RSF1: variants seen among roughly 807,000 people sequenced by gnomAD.
RSF1 encodes the protein HBV pX-associated protein 8.
Under a neutral mutation model 145.2 loss-of-function variants are expected in RSF1, and 13 were observed. That is an observed-to-expected ratio of 0.09 (90% CI 0.06 to 0.14). RSF1 has a LOEUF of 0.14. Among genes scored for constraint, RSF1 ranks in the 10% least tolerant of loss-of-function variants. The pLI, the probability that RSF1 is intolerant of heterozygous loss-of-function variation, is 1.00. For synonymous variants in RSF1, 577 were observed against 592.6 expected (o/e 0.97, Z 0.38); for missense variants, 1,517 against 1,718.2 (o/e 0.88, Z 2.07).
chr11:77,861,910 G>C, the RSF1 span, among the ~76,000 whole-genome samples: 2 of 152,164 alleles, frequency 1.3e-5, no homozygotes, highest in South Asian at 4.1e-4. Flanking sequence ...AATGTCTGCA[G>C]CTGACTGAGT....
Position 77,683,827 on chromosome 11 carries a change from A to C in RSF1, c.2956-8T>G. The C allele has an allele frequency of 1.3e-6, 2 of 1,589,610 alleles. No homozygotes were observed. Among genetic ancestry groups the C allele is most frequent in the Non-Finnish European group, 1.7e-6 (2 of 1,161,954 alleles). ...TTCAGAAAAGTCTGGCTCCTTAAAA[A>C]ATATGATAATAAGCATAGAGGTTAT... is the stretch of plus-strand genomic sequence containing the variant. On this transcript the variant is annotated splice_polypyrimidine_tract_variant and splice_region_variant and intron_variant, in intron 10 of 15. Coordinates refer to ENST00000308488, the MANE Select transcript of RSF1 (RefSeq NM_016578.4).
intron 11 of RSF1, among the ~76,000 whole-genome samples, chr11:77,679,345 A>C (rs1371301068): frequency 6.6e-6 from 1 of 152,268 alleles, no homozygotes; most frequent in Non-Finnish European, 1.5e-5. Context: ...CAAAGTAAGT[A>C]AAACAAAATT....
intron 1 of RSF1, among the ~76,000 whole-genome samples, chr11:77,765,415 T>C (rs1160286842): frequency 6.6e-6 from 1 of 152,216 alleles, no homozygotes; most frequent in Non-Finnish European, 1.5e-5. Context: ...ACAAGCTTCA[T>C]GGACAAAAAA....
chr11:77,678,679 A>G (rs1330613521), intron 11 of RSF1, among the ~76,000 whole-genome samples: 1 of 152,198 alleles, frequency 6.6e-6, no homozygotes, highest in Non-Finnish European at 1.5e-5. Flanking sequence ...ATATAAAAGA[A>G]GCCAGAGAGA....
chr11:77,765,095 T>C (rs1948212479), intron 1 of RSF1, among the ~76,000 whole-genome samples: 1 of 152,048 alleles, frequency 6.6e-6, no homozygotes, highest in African/African-American at 2.4e-5. Context: ...CTGCTTAATT[T>C]TTCTGTGAAC....
chr11:77,806,209 C>G (rs1219593127), intron 1 of RSF1, among the ~76,000 whole-genome samples: 1 of 151,260 alleles, frequency 6.6e-6, no homozygotes, highest in African/African-American at 2.4e-5. Context: ...TTCAGAGAAA[C>G]TGGGGTGGGG....
chr11:77,741,385 A>G (rs1425338946), intron 3 of RSF1, among the ~76,000 whole-genome samples: 1 of 152,126 alleles, frequency 6.6e-6, no homozygotes, highest in Non-Finnish European at 1.5e-5. Context: ...TCTACAAAAA[A>G]TACAAAAATT....
chr11:77,740,363 G>A (rs1961479279), intron 4 of RSF1, among the ~76,000 whole-genome samples: 2 of 152,164 alleles, frequency 1.3e-5, no homozygotes. Flanking sequence ...CAACAAGAGC[G>A]AAACTCCGTT....
the RSF1 span, chr11:77,855,457 C>T: frequency 2.6e-5 from 5 of 190,294 alleles, no homozygotes; most frequent in Admixed American, 6.1e-5. Context: ...GTAGCTGGGA[C>T]TACAGGTGCC....
the RSF1 span, among the ~76,000 whole-genome samples, chr11:77,827,415 C>T: frequency 6.6e-6 from 1 of 152,178 alleles, no homozygotes; most frequent in South Asian, 2.1e-4. Context: ...CAGTTCCAAC[C>T]ACATATAAAA....
In RSF1 at chr11:77,725,575, T is replaced by A; in HGVS notation, c.703A>T (p.Thr235Ser). ...RESPSLEDEE[T>S]KKEEETPKQE... is the part of the protein sequence containing the mutation. ...TTAGGTGTTTCTTCCTCTTTTTTAG[T>A]CTCCTCATCCTCTAAGCTGGGACTT... The change falls in exon 5 of 16, where the codon ACT (threonine) becomes TCT (serine). Residue 235 changes from threonine to serine, a missense_variant. By Grantham distance (58) the Thr-to-Ser change is moderately conservative (BLOSUM62 1). This residue lies in a region of RSF1 where 207 missense variants were observed against 191.4 expected (regional missense o/e 1.08). Transcript: ENST00000308488. The A allele has an allele frequency of 6.3e-7, 1 of 1,590,992 alleles. No homozygotes were observed. Among genetic ancestry groups the A allele is most frequent in the Non-Finnish European group, 8.6e-7 (1 of 1,168,218 alleles).
chr11:77,771,803 C>T (rs1322614217), intron 1 of RSF1, among the ~76,000 whole-genome samples: 1 of 152,116 alleles, frequency 6.6e-6, no homozygotes, highest in East Asian at 1.9e-4. Flanking sequence ...TTTGGCTGCA[C>T]TGTGAGGAAC....
At chr11:77,764,727 A>G in intron 1 of RSF1, 38 bp from the exon 2 acceptor site, 1 of 1,186,590 alleles carries the variant, frequency 8.4e-7, no homozygotes, top group Middle Eastern at 2.0e-4. Context: ...AGCCAACAAA[A>G]TAAAACAATT....
At chr11:77,847,668 G>A in the RSF1 span, among the ~76,000 whole-genome samples, 4 of 152,222 alleles carry the variant, frequency 2.6e-5, no homozygotes, top group African/African-American at 9.7e-5. Context: ...GGAAGAATAG[G>A]TGGTGGTGTG....
chr11:77,817,329 A>T (rs566697020), intron 1 of RSF1, among the ~76,000 whole-genome samples: 4 of 152,342 alleles, frequency 2.6e-5, no homozygotes, highest in Admixed American at 1.3e-4. Context: ...TTGGAATCAG[A>T]GTGGACCCTG....
chr11:77,735,108 G>A (rs927563076), intron 4 of RSF1: 7 of 816,930 alleles, frequency 8.6e-6, no homozygotes, highest in African/African-American at 1.7e-5. Flanking sequence ...GGCGGTCTGA[G>A]GGTGCCGTGA....
chr11:77,794,258 T>C (rs1948550307), intron 1 of RSF1, among the ~76,000 whole-genome samples: 2 of 152,206 alleles, frequency 1.3e-5, no homozygotes, highest in South Asian at 2.1e-4. Context: ...ACGTGGAACA[T>C]CTTCCAGGAA....
chr11:77,814,767 T>C (rs139849776), intron 1 of RSF1, among the ~76,000 whole-genome samples: 9 of 152,316 alleles, frequency 5.9e-5, no homozygotes, highest in Middle Eastern at 3.4e-3. Flanking sequence ...TTTTATAAAG[T>C]AGGCATTCAC....
At chr11:77,869,823 T>C in the RSF1 span, 7 of 1,612,932 alleles carry the variant, frequency 4.3e-6, no homozygotes, top group African/African-American at 8.0e-5. Flanking sequence ...TGAAGGTAGG[T>C]GTTGGTATGC....
Sources: allele counts gnomAD v4.1 joint callset (sites outside exome capture counted in the v4.1 genomes callset), GRCh38; gene constraint gnomAD v4.1.1; regional missense constraint gnomAD v4.1.1; transcripts MANE v1.5; gene names NCBI Gene and HGNC (gene_info 2026-07-23, HGNC 2026-07-21).